ZFP41: variants seen among roughly 807,000 people sequenced by gnomAD.
ZFP41 encodes the protein ZFP41 zinc finger protein, also known as zinc finger protein 41 homolog.
In ZFP41, 10 loss-of-function variants were observed where a neutral mutation model predicts 11.6. That is an observed-to-expected ratio of 0.86 (90% confidence interval 0.53 to 1.47). The LOEUF is 1.47. ZFP41 is among the 40% of genes most tolerant of loss of function. ZFP41 has a pLI of 0.00. For missense variants in ZFP41, 302 were observed against 264.6 expected, an observed-to-expected ratio of 1.14 and a Z score of -0.98; for synonymous variants, 123 against 100.9, an observed-to-expected ratio of 1.22 and a Z score of -1.31.
In ZFP41 at chr8:143,250,149, C is replaced by T; in HGVS notation, c.306C>T (p.His102=). Residue 102 remains histidine (H), a synonymous_variant, in exon 2 of 3, where the codon CAC becomes CAT. Coordinates refer to ENST00000330701, the MANE Select transcript of ZFP41 (RefSeq NM_173832.6). ...CGRIFKHKTD[H]IRHQRVHTGE... The stretch of plus-strand genomic sequence containing the variant: ...GGATCTTTAAGCACAAGACAGACCA[C>T]ATTCGCCATCAGAGGGTCCACACTG... 6.2e-7 allele frequency: 1 copy of T among 1,614,188 alleles called. No individual in the cohort carries two copies. Among genetic ancestry groups the T allele is most frequent in the African/African-American group, 1.3e-5 (1 of 75,056 alleles).
At chr8:143,254,604 C>G (rs1241880039) in intron 2 of ZFP41, among the ~76,000 whole-genome samples, 3 of 151,836 alleles carry the variant, frequency 2.0e-5, no homozygotes, top group African/African-American at 7.3e-5. Context: ...GTTGCTTTTC[C>G]CCGTTACTGA....
intron 2 of ZFP41, among the ~76,000 whole-genome samples, chr8:143,254,388 C>T (rs1814856217): frequency 6.6e-6 from 1 of 152,190 alleles, no homozygotes; most frequent in South Asian, 2.1e-4. Flanking sequence ...GAAGAGCCGG[C>T]GTCAGGAGTC....
chr8:143,249,756 A>G lies in ZFP41; in HGVS notation c.-88A>G. On this transcript the variant is annotated 5_prime_UTR_variant, in exon 2 of 3. Coordinates refer to ENST00000330701, the MANE Select transcript of ZFP41 (RefSeq NM_173832.6). ...TCAGTCCCACGCTGGGAGTGTGGAG[A>G]GGTGCGTGGGAAGCAAGCCATTGAG... 1 of 1,493,286 alleles carries G rather than the reference A, an allele frequency of 6.7e-7. No homozygotes were observed. Among genetic ancestry groups the G allele is most frequent in the Non-Finnish European group, 8.9e-7 (1 of 1,126,060 alleles). The allele number at this position is 1,493,286 out of a possible 1,614,324, so 92.5% of individuals were successfully genotyped here.
chr8:143,249,690 C>A lies in ZFP41; in HGVS notation c.-154C>A. 1.6e-6 allele frequency: 2 copies of A among 1,254,532 alleles called. No individual in the cohort carries two copies. The highest frequency in any genetic ancestry group is 2.1e-6 in the Non-Finnish European group (2 of 937,674). The allele number at this position is 1,254,532 out of a possible 1,614,324, so 77.7% of individuals were successfully genotyped here. ...GGTTCATGTTCTTGCTTCTCCCCAG[C>A]ACCAAGAGGATGGTGGCCCTTGGCC... On this transcript the variant is annotated splice_region_variant and 5_prime_UTR_variant, in exon 2 of 3. Transcript: ENST00000330701.
At position 143,250,508 on chromosome 8, in the gene ZFP41, T is replaced by G; in HGVS notation, c.*68T>G. On this transcript the variant is annotated 3_prime_UTR_variant, in exon 2 of 3. Transcript: ENST00000330701. Reference sequence around the variant, plus strand: ...GCCGGACACCTGCTCCGTGGCTCCCTCGTGTCCCGCGTCTGATGGGGGCGC... The same window carrying G: ...GCCGGACACCTGCTCCGTGGCTCCCGCGTGTCCCGCGTCTGATGGGGGCGC... 1 of 1,556,996 alleles carries G rather than the reference T, an allele frequency of 6.4e-7. No individual in the cohort carries two copies. Among genetic ancestry groups the G allele is most frequent in the South Asian group, 1.2e-5 (1 of 82,732 alleles).
intron 2 of ZFP41, among the ~76,000 whole-genome samples, chr8:143,256,529 A>C (rs1451982020): frequency 6.6e-6 from 1 of 152,244 alleles, no homozygotes; most frequent in Non-Finnish European, 1.5e-5. Context: ...ATACTTCTCC[A>C]AGGAAAAGAT....
At chr8:143,248,267 G>A (rs1816729275) in intron 1 of ZFP41, 2 of 152,216 alleles carry the variant, frequency 1.3e-5, no homozygotes, top group African/African-American at 4.8e-5. Context: ...CACAGTATGT[G>A]ACTAGGATTT....
At position 143,252,472 on chromosome 8, in the gene ZFP41, G is replaced by C. The variant is rs187701188; in HGVS notation, c.*900+1132G>C. 2.6e-5 allele frequency among the ~76,000 whole-genome samples: 4 copies of C among 152,352 alleles called. No homozygotes were observed. In the East Asian group the frequency reaches 7.7e-4, roughly 29 times the overall value. ...CCTTCATCAGACGTGTTGCCTGGGG[G>C]GGTTCTGCTCTCGGGACCACACACA... is the stretch of plus-strand genomic sequence containing the variant. On this transcript the variant is annotated intron_variant, in intron 2 of 2. Transcript: ENST00000330701.
At chr8:143,252,705 C>T in intron 2 of ZFP41, 2 of 889,744 alleles carry the variant, frequency 2.2e-6, no homozygotes, top group Non-Finnish European at 2.7e-6. Flanking sequence ...GTGTCTCACA[C>T]TATTGGGCGT....
intron 2 of ZFP41, among the ~76,000 whole-genome samples, chr8:143,258,712 G>GA (rs1467783981): frequency 1.6e-4 from 24 of 152,022 alleles, no homozygotes; most frequent in Non-Finnish European, 2.9e-5. Flanking sequence ...CCCATCTCTA[G>GA]AAAAAAGAAA....
At chr8:143,253,983 G>A (rs1048797678) in intron 2 of ZFP41, among the ~76,000 whole-genome samples, 4 of 152,144 alleles carry the variant, frequency 2.6e-5, no homozygotes. Context: ...TCCCTCGCAT[G>A]CAGTTCACGG....
intron 1 of ZFP41, 36 bp from the exon 2 acceptor site, chr8:143,249,654 C>A (rs1816757751): frequency 2.1e-6 from 2 of 946,938 alleles, no homozygotes; most frequent in Admixed American, 3.1e-5. Flanking sequence ...AAAGGCAAAC[C>A]TTTAATCTGA....
At chr8:143,254,458 A>G (rs1814858145) in intron 2 of ZFP41, among the ~76,000 whole-genome samples, 1 of 152,146 alleles carries the variant, frequency 6.6e-6, no homozygotes, top group Non-Finnish European at 1.5e-5. Flanking sequence ...CAGAGCAGGC[A>G]TCCTCTGCTG....
In ZFP41 at chr8:143,250,052, A is replaced by G. The variant is rs755217258; in HGVS notation, c.209A>G (p.Asp70Gly). The G allele has an allele frequency of 4.3e-6, 7 of 1,614,044 alleles. No homozygotes were observed. The Admixed American group carries it at 1.0e-4, about 23-fold the overall frequency. The change falls in exon 2 of 3, where the codon GAT (aspartate) becomes GGT (glycine). Residue 70 changes from aspartate (D) to glycine (G), a missense_variant. Transcript: ENST00000330701. ...GATGCCTTCGACGCTTCATTTAAAGATGACTTTGAGGGGGTTCCCGTGTTC... is the reference window on the plus strand; with the variant it reads ...GATGCCTTCGACGCTTCATTTAAAGGTGACTTTGAGGGGGTTCCCGTGTTC... ...VFDAFDASFK[D>G]DFEGVPVFIP...
intron 2 of ZFP41, among the ~76,000 whole-genome samples, chr8:143,256,106 C>T (rs879803210): frequency 1.5e-5 from 1 of 65,870 alleles, no homozygotes; most frequent in East Asian, 3.8e-4. Context: ...GGGCTCGCCC[C>T]GCGTGCTGGT....
intron 2 of ZFP41, chr8:143,253,527 C>T (rs1357580783): frequency 1.3e-5 from 2 of 152,204 alleles, no homozygotes; most frequent in African/African-American, 4.8e-5. Context: ...AGGGCAACAG[C>T]AGATGTCAAT....
At position 143,249,785 on chromosome 8, in the gene ZFP41, G is replaced by C; in HGVS notation, c.-59G>C. ...GCGTGGGAAGCAAGCCATTGAGGAA[G>C]TGGGGCCAACAGAGAGGTCAGCAGC... is the stretch of plus-strand genomic sequence containing the variant. On this transcript the variant is annotated 5_prime_UTR_variant, in exon 2 of 3. Transcript: ENST00000330701. 1 of 1,516,326 alleles carries C rather than the reference G, an allele frequency of 6.6e-7. No individual in the cohort carries two copies. Among genetic ancestry groups the C allele is most frequent in the South Asian group, 1.4e-5 (1 of 73,120 alleles). 93.9% of individuals were successfully genotyped at this position (1,516,326 alleles called of 1,614,324 possible).
At position 143,249,828 on chromosome 8, in the gene ZFP41, T is replaced by C; in HGVS notation, c.-16T>C. The C allele has an allele frequency of 1.9e-6, 3 of 1,565,762 alleles. No homozygotes were observed. The highest frequency in any genetic ancestry group is 2.6e-6 in the Non-Finnish European group (3 of 1,161,366). On this transcript the variant is annotated 5_prime_UTR_variant, in exon 2 of 3. Transcript: ENST00000330701. ...TCAGCAGCCCCTTAGCCCTCACGCT[T>C]CCAAGGAACAGAATGATGGAGAAGC...
chr8:143,258,785 A>G (rs147217474), intron 2 of ZFP41, among the ~76,000 whole-genome samples: 1 of 152,330 alleles, frequency 6.6e-6, no homozygotes, highest in East Asian at 1.9e-4. Context: ...AAACATGCTC[A>G]ATCTCTTTAA....
Sources: gnomAD v4.1 joint callset for allele counts (sites outside exome capture counted in the v4.1 genomes callset) on GRCh38, gnomAD v4.1.1 for gene constraint, MANE v1.5 for transcripts, NCBI Gene and HGNC (gene_info 2026-07-23, HGNC 2026-07-21) for gene names.